Variants in TDRD1 observed in about 807,000 individuals in gnomAD.
TDRD1 encodes tudor domain-containing protein 1.
Under a neutral mutation model 140.6 loss-of-function variants are expected in TDRD1, and 37 were observed. The ratio of observed to expected loss-of-function variants is 0.26; its 90% CI spans 0.20 to 0.35. TDRD1 has a LOEUF of 0.35. Ranked by LOEUF, TDRD1 falls within the 10% of genes least tolerant of loss-of-function variation. The pLI, the probability that TDRD1 is intolerant of heterozygous loss-of-function variation, is 1.00. For synonymous variants in TDRD1, 506 were observed against 475.7 expected, an observed-to-expected ratio of 1.06 and a Z score of -0.83; for missense variants, 1,243 against 1,393.0, an observed-to-expected ratio of 0.89 and a Z score of 1.71.
intron 21 of TDRD1, 126 bp from the exon 22 acceptor site, chr10:114,225,923 T>C (rs1239619434): frequency 1.3e-6 from 1 of 787,090 alleles, no homozygotes; most frequent in East Asian, 2.5e-5. Context: ...TGTATTTAAT[T>C]TGAACTGTAA....
chr10:114,181,328 A>G (rs1468649416), intron 1 of TDRD1, among the ~76,000 whole-genome samples: 1 of 152,190 alleles, frequency 6.6e-6, no homozygotes. Flanking sequence ...AGTAGATTGT[A>G]TATAGGGGGA....
chr10:114,183,814 A>T (rs2033295294), intron 1 of TDRD1, among the ~76,000 whole-genome samples: 1 of 147,372 alleles, frequency 6.8e-6, no homozygotes, highest in South Asian at 2.1e-4. Flanking sequence ...CGATTCTCCC[A>T]CCTCAGCCTC....
Position 114,203,341 on chromosome 10 carries a change from C to T in TDRD1, c.802-47C>T, listed in dbSNP as rs762532800. On this transcript the variant is annotated intron_variant, in intron 7 of 25. Transcript: ENST00000251864. ...ACAAAGCTTTAAGAAATTTACATTT[C>T]CTTGTGTGCCTTATGAATTATTCCT... 7 of 1,545,166 alleles carry T rather than the reference C, an allele frequency of 4.5e-6. No individual in the cohort carries two copies. In the South Asian group the frequency reaches 6.3e-5, roughly 14 times the overall value.
exon 23 of TDRD1, chr10:114,227,118 A>G (rs769966864): frequency 6.3e-7 from 1 of 1,594,380 alleles, no homozygotes; most frequent in Non-Finnish European, 8.6e-7. Context: ...TAATAATGCT[A>G]TTAAAAAATT....
chr10:114,210,899 G>C, exon 13 of TDRD1: 1 of 1,614,136 alleles, frequency 6.2e-7, no homozygotes, highest in Non-Finnish European at 8.5e-7. Flanking sequence ...AGCAAGTACT[G>C]TGATCAGTTG....
intron 1 of TDRD1, among the ~76,000 whole-genome samples, chr10:114,183,068 T>G (rs753766289): frequency 2.6e-5 from 4 of 152,210 alleles, no homozygotes; most frequent in Non-Finnish European, 4.4e-5. Flanking sequence ...TTTGTTCAGA[T>G]TTTTAAAAAT....
intron 3 of TDRD1, among the ~76,000 whole-genome samples, chr10:114,197,335 C>G (rs571816271): frequency 2.0e-5 from 3 of 152,074 alleles, no homozygotes; most frequent in Non-Finnish European, 4.4e-5. Flanking sequence ...TTCCTGTTTT[C>G]CCTCCATTAT....
At chr10:114,190,688 A>G (rs1275275965) in intron 2 of TDRD1, among the ~76,000 whole-genome samples, 3 of 152,136 alleles carry the variant, frequency 2.0e-5, no homozygotes, top group African/African-American at 4.8e-5. Context: ...GGGTTTCACC[A>G]TGTTGGTCAG....
chr10:114,228,308 T>C lies in TDRD1; in HGVS notation c.3538+183T>C, dbSNP rs1490476839. 8 of 1,375,162 alleles carry C rather than the reference T, an allele frequency of 5.8e-6. No homozygotes were observed. In the African/African-American group the frequency reaches 1.2e-4, roughly 20 times the overall value. 85.2% of individuals were successfully genotyped at this position (1,375,162 alleles called of 1,614,324 possible). A position where few individuals can be genotyped will look rare whatever the true frequency, so the allele number is the denominator to read the frequency against. On this transcript the variant is annotated intron_variant, in intron 25 of 25. Coordinates refer to ENST00000251864, the Ensembl canonical transcript of TDRD1. ...TTTTTGTAGGTTTATCTGATCGTTT[T>C]CCTTTGCTACTGCTAATGGAACTGA...
chr10:114,228,869 A>C lies in TDRD1; in HGVS notation c.3538+744A>C, dbSNP rs890018997. On this transcript the variant is annotated intron_variant, in intron 25 of 25. Transcript: ENST00000251864. ...GAGGCTGAGGCGGGCAGATCACCTG[A>C]GCCCAGGCGTTCGAAGTCAGCCTGG... 3 of 769,682 alleles carry C rather than the reference A, an allele frequency of 3.9e-6. No individual in the cohort carries two copies. In the African/African-American group the frequency reaches 5.7e-5, roughly 15 times the overall value. The allele number at this position is 769,682 out of a possible 1,614,324, so 47.7% of individuals were successfully genotyped here.
Position 114,188,896 on chromosome 10 carries a change from C to T in TDRD1, c.325+740C>T, listed in dbSNP as rs921628423. On this transcript the variant is annotated intron_variant, in intron 2 of 25. Coordinates refer to ENST00000251864, the Ensembl canonical transcript of TDRD1. ...AAAATGAAAAAAAAAAAAAAAAAAA[C>T]CTTTCTAAAGAGGTTAGGACCTGGT... is the stretch of plus-strand genomic sequence containing the variant. Among the ~76,000 whole-genome samples the T allele has an allele frequency of 2.9e-5, 4 of 136,200 alleles. No homozygotes were observed. The East Asian group carries it at 8.7e-4, about 29-fold the overall frequency. 89.4% of individuals were successfully genotyped at this position (136,200 alleles called of 152,430 possible). A position where few individuals can be genotyped will look rare whatever the true frequency, so the allele number is the denominator to read the frequency against.
intron 4 of TDRD1, among the ~76,000 whole-genome samples, chr10:114,199,739 T>G (rs2034602683): frequency 6.6e-6 from 1 of 152,262 alleles, no homozygotes; most frequent in Non-Finnish European, 1.5e-5. Flanking sequence ...GTATCAAGCT[T>G]ATTTCATATA....
intron 6 of TDRD1, among the ~76,000 whole-genome samples, chr10:114,202,662 A>G (rs2034835675): frequency 6.6e-6 from 1 of 152,228 alleles, no homozygotes; most frequent in Non-Finnish European, 1.5e-5. Context: ...TTGTAATCCG[A>G]AAAACATCCG....
chr10:114,182,563 G>A (rs2033156933), intron 1 of TDRD1, among the ~76,000 whole-genome samples: 1 of 152,150 alleles, frequency 6.6e-6, no homozygotes, highest in Non-Finnish European at 1.5e-5. Context: ...AAACCTCATA[G>A]CCTGATGTGC....
At chr10:114,175,516 G>C (rs954840564), upstream of TDRD1, among the ~76,000 whole-genome samples, 1 of 152,050 alleles carries the variant, frequency 6.6e-6, no homozygotes, top group Non-Finnish European at 1.5e-5. Flanking sequence ...AAAACTCTTA[G>C]AACAGTGACC....
exon 2 of TDRD1, chr10:114,187,947 A>G (rs2033662913): frequency 3.7e-6 from 6 of 1,614,140 alleles, no homozygotes; most frequent in Non-Finnish European, 5.1e-6. Flanking sequence ...CCACCACATG[A>G]GTCTTTAAGA....
chr10:114,224,644 C>T (rs1390596388), intron 21 of TDRD1, among the ~76,000 whole-genome samples: 1 of 152,072 alleles, frequency 6.6e-6, no homozygotes, highest in Non-Finnish European at 1.5e-5. Context: ...TTTAGGTTTT[C>T]ATTTCTATCA....
At chr10:114,224,855 A>G (rs1009549048) in intron 21 of TDRD1, among the ~76,000 whole-genome samples, 1 of 152,106 alleles carries the variant, frequency 6.6e-6, no homozygotes, top group Non-Finnish European at 1.5e-5. Context: ...CTGTGATGTT[A>G]GAGGCTTTCT....
In TDRD1 at chr10:114,229,107, A is replaced by C. The variant is rs943830101; in HGVS notation, c.3538+982A>C. On this transcript the variant is annotated intron_variant, in intron 25 of 25. Transcript: ENST00000251864. Reference sequence around the variant, plus strand: ...AAAACAAAACAAAACAAAACAAAAAAAAAAACAACCTCTAATCTCAGAATA... The same window carrying C: ...AAAACAAAACAAAACAAAACAAAAACAAAAACAACCTCTAATCTCAGAATA... Among the ~76,000 whole-genome samples, 189 of 151,940 alleles carry C rather than the reference A, an allele frequency of 1.2e-3. 1 individual carries two copies. Among genetic ancestry groups the C allele is most frequent in the Admixed American group, 3.6e-3 (55 of 15,290 alleles).
Sources: allele counts gnomAD v4.1 joint callset (sites outside exome capture counted in the v4.1 genomes callset), GRCh38; gene constraint gnomAD v4.1.1; transcripts MANE v1.5; gene names NCBI Gene and HGNC (gene_info 2026-07-23, HGNC 2026-07-21).